The following ARHGAP15 variants were observed in gnomAD, a reference collection of about 807,000 sequenced individuals.
ARHGAP15 encodes Rho GTPase activating protein 15.
In ARHGAP15, 51 loss-of-function variants were observed where a neutral mutation model predicts 63.7. The observed-to-expected ratio is 0.80, with a 90% confidence interval of 0.64 to 1.01. The LOEUF (loss-of-function observed/expected upper bound fraction) is 1.01. ARHGAP15 is among the 50% of genes least tolerant of loss of function. The pLI, the probability that ARHGAP15 is intolerant of heterozygous loss-of-function variation, is 0.00. For synonymous variants in ARHGAP15, 191 were observed against 193.8 expected (o/e 0.99, Z 0.12); for missense variants, 560 against 564.6 (o/e 0.99, Z 0.08).
At chr2:143,379,527 G>GTA (rs1390112490) in intron 6 of ARHGAP15, among the ~76,000 whole-genome samples, 1 of 150,422 alleles carries the variant, frequency 6.6e-6, no homozygotes, top group Non-Finnish European at 1.5e-5. Flanking sequence ...GTGTGTGTGT[G>GTA]TGTGTATGAG....
Position 143,573,356 on chromosome 2 carries a change from C to T in ARHGAP15, c.1003+16871C>T, listed in dbSNP as rs114024474. 9.4e-3 allele frequency among the ~76,000 whole-genome samples: 1,430 copies of T among 152,142 alleles called. 10 individuals carry two copies. Among genetic ancestry groups the T allele is most frequent in the Middle Eastern group, 0.034 (10 of 292 alleles). On this transcript the variant is annotated intron_variant, in intron 11 of 13. Coordinates refer to ENST00000295095, the MANE Select transcript of ARHGAP15 (RefSeq NM_018460.4). ...CATTAATGGTCCCTCTGCTAGAAAACGAAAATACTCCCAAATATGTTCCAC... is the reference window on the plus strand; with the variant it reads ...CATTAATGGTCCCTCTGCTAGAAAATGAAAATACTCCCAAATATGTTCCAC...
chr2:143,529,356 G>A (rs1310242838), intron 10 of ARHGAP15, among the ~76,000 whole-genome samples: 9 of 151,892 alleles, frequency 5.9e-5, no homozygotes, highest in African/African-American at 1.9e-4. Context: ...GACCTTGATT[G>A]GGCCTCCATA....
At chr2:143,503,004 G>A (rs1048971750) in intron 9 of ARHGAP15, among the ~76,000 whole-genome samples, 2 of 152,232 alleles carry the variant, frequency 1.3e-5, no homozygotes, top group African/African-American at 4.8e-5. Flanking sequence ...ATCTGCTAGA[G>A]AGAGTCTGCG....
intron 12 of ARHGAP15, among the ~76,000 whole-genome samples, chr2:143,629,343 A>C (rs1698972043): frequency 6.6e-6 from 1 of 152,160 alleles, no homozygotes; most frequent in African/African-American, 2.4e-5. Flanking sequence ...TATACTTGAG[A>C]TCAATCCAAC....
At chr2:143,583,918 AACTTT>A (rs1697006131) in intron 11 of ARHGAP15, among the ~76,000 whole-genome samples, 1 of 152,222 alleles carries the variant, frequency 6.6e-6, no homozygotes, top group Admixed American at 6.5e-5. Flanking sequence ...ATTTCAACTA[AACTTT>A]ACTTTTTAGC....
intron 1 of ARHGAP15, among the ~76,000 whole-genome samples, chr2:143,143,207 A>G (rs1247944963): frequency 5.3e-5 from 8 of 152,082 alleles, no homozygotes; most frequent in Non-Finnish European, 8.8e-5. Flanking sequence ...TAAGTGGAGT[A>G]TCTAGTCCCC....
At chr2:143,270,851 T>C (rs557842820) in intron 6 of ARHGAP15, among the ~76,000 whole-genome samples, 1 of 152,314 alleles carries the variant, frequency 6.6e-6, no homozygotes, top group Admixed American at 6.5e-5. Context: ...CTCGTGTTTA[T>C]ATCTTCATTC....
chr2:143,205,946 G>A (rs1692315264), intron 3 of ARHGAP15, among the ~76,000 whole-genome samples: 1 of 151,956 alleles, frequency 6.6e-6, no homozygotes, highest in Non-Finnish European at 1.5e-5. Flanking sequence ...ATCCTAGGCA[G>A]CAATTCCAGA....
rs59473812 is a variant in ARHGAP15, at chr2:143,649,169, T to TTCA, written c.1138+24921_1138+24923dup. Among the ~76,000 whole-genome samples, 772 of 151,330 alleles carry TTCA rather than the reference T, an allele frequency of 5.1e-3. 4 individuals are homozygous for TTCA. Among genetic ancestry groups the TTCA allele is most frequent in the African/African-American group, 0.018 (731 of 40,998 alleles). ...CAACAAGCTTAATTTTCTTCTATCA[T>TTCA]TCATCATCATCATCATCATCAGTGT... On this transcript the variant is annotated intron_variant, in intron 12 of 13. Coordinates refer to ENST00000295095, the MANE Select transcript of ARHGAP15 (RefSeq NM_018460.4).
intron 6 of ARHGAP15, among the ~76,000 whole-genome samples, chr2:143,335,510 C>T (rs550747763): frequency 6.6e-5 from 10 of 152,114 alleles, no homozygotes; most frequent in Middle Eastern, 3.4e-3. Context: ...GTATGGCACA[C>T]GCTTTGGGGA....
intron 9 of ARHGAP15, among the ~76,000 whole-genome samples, chr2:143,510,798 G>A (rs575465720): frequency 5.3e-4 from 81 of 152,240 alleles, no homozygotes; most frequent in South Asian, 3.1e-3. Flanking sequence ...TCTGTGTTCC[G>A]CATGTGTGTG....
intron 6 of ARHGAP15, among the ~76,000 whole-genome samples, chr2:143,306,470 T>C (rs935992884): frequency 6.6e-6 from 1 of 152,158 alleles, no homozygotes; most frequent in African/African-American, 2.4e-5. Context: ...TTCTGATAAA[T>C]AGGGCTAATA....
chr2:143,739,985 C>G (rs141038388), intron 13 of ARHGAP15, among the ~76,000 whole-genome samples: 363 of 152,292 alleles, frequency 2.4e-3, no homozygotes, highest in Middle Eastern at 3.4e-3. Flanking sequence ...CATAATCTCT[C>G]TTTTTGCACA....
At chr2:143,348,456 T>A (rs914931550) in intron 6 of ARHGAP15, among the ~76,000 whole-genome samples, 23 of 152,038 alleles carry the variant, frequency 1.5e-4, no homozygotes, top group African/African-American at 5.3e-4. Flanking sequence ...TTGCCTATTT[T>A]CAGGATTAAA....
intron 7 of ARHGAP15, 83 bp from the exon 8 acceptor site, chr2:143,436,830 A>C (rs1689632734): frequency 7.4e-6 from 11 of 1,481,730 alleles, no homozygotes; most frequent in Non-Finnish European, 1.0e-5. Flanking sequence ...TTTCCCCATA[A>C]ACAGCAAAAT....
intron 8 of ARHGAP15, among the ~76,000 whole-genome samples, chr2:143,469,503 C>T (rs115767015): frequency 0.023 from 3,556 of 152,294 alleles, 65 homozygotes; most frequent in Middle Eastern, 0.034. Flanking sequence ...CACGCGAGCT[C>T]CAGTGGGCCA....
At chr2:143,390,754 C>T (rs1398266499) in intron 6 of ARHGAP15, among the ~76,000 whole-genome samples, 1 of 151,544 alleles carries the variant, frequency 6.6e-6, no homozygotes, top group Non-Finnish European at 1.5e-5. Flanking sequence ...CACACACACA[C>T]ACACACACAC....
At chr2:143,427,996 G>T (rs562779398) in intron 6 of ARHGAP15, among the ~76,000 whole-genome samples, 1 of 152,074 alleles carries the variant, frequency 6.6e-6, no homozygotes, top group Admixed American at 6.6e-5. Flanking sequence ...CTGTTGTTCA[G>T]CCATGCATGT....
At chr2:143,680,569 C>A (rs1683054440) in intron 12 of ARHGAP15, among the ~76,000 whole-genome samples, 1 of 152,176 alleles carries the variant, frequency 6.6e-6, no homozygotes, top group Non-Finnish European at 1.5e-5. Flanking sequence ...CTTTGGTTTA[C>A]ATGTAGAATT....
Sources: gnomAD v4.1 joint callset for allele counts (sites outside exome capture counted in the v4.1 genomes callset) on GRCh38, gnomAD v4.1.1 for gene constraint, MANE v1.5 for transcripts, NCBI Gene and HGNC (gene_info 2026-07-23, HGNC 2026-07-21) for gene names.